Variants in ADCY2 observed in about 807,000 individuals in gnomAD.
ADCY2 encodes the protein adenylate cyclase 2, also known as adenylate cyclase type 2.
ADCY2 carries 31 observed loss-of-function variants against 125.2 expected under a neutral mutation model. That is an observed-to-expected ratio of 0.25 (90% confidence interval 0.19 to 0.33). ADCY2 has a LOEUF of 0.33. Ranked by LOEUF, ADCY2 falls within the 10% of genes least tolerant of loss-of-function variation. The pLI, the probability that ADCY2 is intolerant of heterozygous loss-of-function variation, is 1.00. For synonymous variants in ADCY2, 512 were observed against 548.4 expected (o/e 0.93, Z 0.93); for missense variants, 904 against 1,418.2 (o/e 0.64, Z 5.82).
chr5:7,726,634 C>A (rs1741942073), intron 13 of ADCY2, among the ~76,000 whole-genome samples: 1 of 152,172 alleles, frequency 6.6e-6, no homozygotes, highest in South Asian at 2.1e-4. Flanking sequence ...AACAAGCCAG[C>A]TAAGAACCAA....
At chr5:7,537,649 C>A (rs1470137336) in intron 3 of ADCY2, among the ~76,000 whole-genome samples, 3 of 152,228 alleles carry the variant, frequency 2.0e-5, no homozygotes, top group South Asian at 4.1e-4. Flanking sequence ...CAGCCTCATC[C>A]TTTGCTTTCC....
chr5:7,493,188 T>G (rs1229037239), intron 2 of ADCY2, among the ~76,000 whole-genome samples: 1 of 151,112 alleles, frequency 6.6e-6, no homozygotes, highest in Admixed American at 6.6e-5. Context: ...AAGCCAGGAG[T>G]CAGCACTGAT....
chr5:7,439,171 G>A (rs897187510), intron 2 of ADCY2, among the ~76,000 whole-genome samples: 3 of 152,138 alleles, frequency 2.0e-5, no homozygotes, highest in African/African-American at 7.2e-5. Context: ...GAAGTAGAGT[G>A]TATTAGTCTG....
At chr5:7,492,374 A>G (rs954411591) in intron 2 of ADCY2, among the ~76,000 whole-genome samples, 8 of 152,182 alleles carry the variant, frequency 5.3e-5, no homozygotes, top group African/African-American at 1.7e-4. Flanking sequence ...GGGGCATTGG[A>G]GGAATGTGAT....
At chr5:7,708,024 A>C in intron 9 of ADCY2, 186 bp downstream of exon 9, 1 of 651,436 alleles carries the variant, frequency 1.5e-6, no homozygotes. Flanking sequence ...TACTTATTAA[A>C]TGAGCAGTTG....
At chr5:7,641,158 C>G (rs1429352036) in intron 4 of ADCY2, among the ~76,000 whole-genome samples, 1 of 152,098 alleles carries the variant, frequency 6.6e-6, no homozygotes, top group Non-Finnish European at 1.5e-5. Flanking sequence ...GGGTAGGGAC[C>G]CAGACACTCT....
At chr5:7,769,918 G>C (rs950330351) in intron 17 of ADCY2, among the ~76,000 whole-genome samples, 3 of 152,224 alleles carry the variant, frequency 2.0e-5, no homozygotes, top group Non-Finnish European at 4.4e-5. Context: ...CACTCCAATA[G>C]AAGTCGGTTC....
At chr5:7,765,784 A>T (rs935771612) in intron 16 of ADCY2, among the ~76,000 whole-genome samples, 1 of 152,168 alleles carries the variant, frequency 6.6e-6, no homozygotes, top group East Asian at 1.9e-4. Flanking sequence ...TATGGATGAG[A>T]TTAATTTCTT....
intron 2 of ADCY2, among the ~76,000 whole-genome samples, chr5:7,428,254 A>G (rs1392765063): frequency 6.6e-6 from 1 of 152,230 alleles, no homozygotes; most frequent in Non-Finnish European, 1.5e-5. Context: ...ATCTCCAGCC[A>G]TCTGAAACAC....
intron 2 of ADCY2, among the ~76,000 whole-genome samples, chr5:7,437,375 AC>A (rs1462201464): frequency 3.3e-5 from 5 of 152,192 alleles, no homozygotes; most frequent in African/African-American, 1.2e-4. Flanking sequence ...GGAGCCACAG[AC>A]CACACGTGTT....
chr5:7,784,492 A>G (rs1353844850), intron 19 of ADCY2, 43 bp downstream of exon 19: 1 of 1,439,358 alleles, frequency 6.9e-7, no homozygotes. Flanking sequence ...CCTTCTCTAA[A>G]GTGCTGTATT....
chr5:7,534,416 C>A (rs1421213636), intron 3 of ADCY2, among the ~76,000 whole-genome samples: 1 of 152,114 alleles, frequency 6.6e-6, no homozygotes, highest in African/African-American at 2.4e-5. Flanking sequence ...TGGTTTTTAA[C>A]CTTTTCTTTA....
Position 7,671,998 on chromosome 5 carries a change from A to G in ADCY2, c.721-18693A>G, listed in dbSNP as rs867662244. ...TCCATTTTCTGGTTTTGGTGCAGTG[A>G]CTTTTGTGCTCTCTGATGGCTGCTA... On this transcript the variant is annotated intron_variant, in intron 4 of 24. Coordinates refer to ENST00000338316, the MANE Select transcript of ADCY2 (RefSeq NM_020546.3). Among the ~76,000 whole-genome samples the G allele has an allele frequency of 1.4e-4, 22 of 152,078 alleles. 1 individual carries two copies. The highest frequency in any genetic ancestry group is 3.9e-4 in the Admixed American group (6 of 15,262).
chr5:7,611,866 G>A (rs2126644470), intron 3 of ADCY2, among the ~76,000 whole-genome samples: 1 of 152,280 alleles, frequency 6.6e-6, no homozygotes, highest in Non-Finnish European at 1.5e-5. Context: ...GTAATCCAAA[G>A]CTCATCTAGG....
At chr5:7,655,802 A>G (rs1739301773) in intron 4 of ADCY2, among the ~76,000 whole-genome samples, 1 of 152,328 alleles carries the variant, frequency 6.6e-6, no homozygotes, top group Non-Finnish European at 1.5e-5. Flanking sequence ...GTACAGTTAG[A>G]TGGTGTAGGA....
intron 20 of ADCY2, chr5:7,800,234 A>C: frequency 6.6e-6 from 1 of 152,212 alleles, no homozygotes; most frequent in East Asian, 1.9e-4. Flanking sequence ...AAGTGTTCAG[A>C]GAGGTGCCCA....
chr5:7,413,517 C>T (rs1189511772), intron 1 of ADCY2, among the ~76,000 whole-genome samples: 2 of 151,788 alleles, frequency 1.3e-5, no homozygotes, highest in Middle Eastern at 3.4e-3. Context: ...CCAGGATGGT[C>T]TCGATCTCCT....
chr5:7,518,301 G>A (rs924949648), intron 2 of ADCY2, among the ~76,000 whole-genome samples: 3 of 152,086 alleles, frequency 2.0e-5, no homozygotes, highest in African/African-American at 7.2e-5. Flanking sequence ...ATGAAGTGAG[G>A]GAGGTGCCCC....
chr5:7,613,010 C>T (rs147276885), intron 3 of ADCY2, among the ~76,000 whole-genome samples: 1,736 of 151,796 alleles, frequency 0.011, 38 homozygotes, highest in African/African-American at 0.04. Flanking sequence ...CCAGCCTGGG[C>T]GACAGAGTGA....
Sources: allele counts gnomAD v4.1 joint callset (sites outside exome capture counted in the v4.1 genomes callset), GRCh38; gene constraint gnomAD v4.1.1; transcripts MANE v1.5; gene names NCBI Gene and HGNC (gene_info 2026-07-23, HGNC 2026-07-21).